ZNF570: variants seen among roughly 807,000 people sequenced by gnomAD.
ZNF570 encodes the protein zinc finger protein 570.
A neutral mutation model predicts 14.2 loss-of-function variants in ZNF570; 8 were observed. The observed-to-expected ratio is 0.56, with a 90% confidence interval of 0.33 to 1.02. The LOEUF (loss-of-function observed/expected upper bound fraction) is 1.02, where lower values mean the gene tolerates loss of function less well. ZNF570 is among the 50% of genes least tolerant of loss of function. The pLI is 0.03. For missense variants in ZNF570, 559 were observed against 624.9 expected (o/e 0.89, Z 1.12); for synonymous variants, 202 against 207.6 (o/e 0.97, Z 0.23).
At position 37,488,148 on chromosome 19, in the gene ZNF570, T is replaced by C. The variant is rs1452803340; in HGVS notation, c.*2915T>C. On this transcript the variant is annotated 3_prime_UTR_variant, in exon 5 of 5. Coordinates refer to ENST00000330173, the MANE Select transcript of ZNF570 (RefSeq NM_144694.5). ...TCCTCGTGTTTCAAGGAGATACATA[T>C]GATGGTCCATTGCAGAACTGTGAGA... 1 of 152,234 alleles carries C rather than the reference T, an allele frequency of 6.6e-6. No individual in the cohort carries two copies. The highest frequency in any genetic ancestry group is 2.4e-5 in the African/African-American group (1 of 41,468). 9.4% of individuals were successfully genotyped at this position (152,234 alleles called of 1,614,324 possible). A position where few individuals can be genotyped will look rare whatever the true frequency, so the allele number is the denominator to read the frequency against.
In ZNF570 at chr19:37,484,451, A is replaced by G. The variant is rs1403087116; in HGVS notation, c.829A>G (p.Lys277Glu). Reference sequence around the variant, plus strand: ...TACTGGAGAAAAACCCTATGAATGTAAGGAATGTAGGAAAGCCTTCAGTCA... The same window carrying G: ...TACTGGAGAAAAACCCTATGAATGTGAGGAATGTAGGAAAGCCTTCAGTCA... ...IHTGEKPYEC[K>E]ECRKAFSQNA... Residue 277 changes from lysine (K) to glutamate (E), a missense_variant, in exon 5 of 5, where the codon AAG becomes GAG. By Grantham distance (56) the Lys-to-Glu change is moderately conservative. Coordinates refer to ENST00000330173, the MANE Select transcript of ZNF570 (RefSeq NM_144694.5). 6.2e-7 allele frequency: 1 copy of G among 1,614,016 alleles called. No individual in the cohort carries two copies. The highest frequency in any genetic ancestry group is 2.2e-5 in the East Asian group (1 of 44,860).
chr19:37,481,157 A>ATTT (rs750442610), intron 4 of ZNF570, among the ~76,000 whole-genome samples: 1 of 144,638 alleles, frequency 6.9e-6, no homozygotes, highest in Non-Finnish European at 1.5e-5. Flanking sequence ...AGATTGACAG[A>ATTT]TTTTTTTTTT....
chr19:37,476,568 T>G, intron 4 of ZNF570, 134 bp downstream of exon 4: 1 of 1,278,556 alleles, frequency 7.8e-7, no homozygotes, highest in Non-Finnish European at 1.0e-6. Flanking sequence ...TTGGGGCCAT[T>G]TAGGATGTTC....
chr19:37,470,503 C>G lies in ZNF570; in HGVS notation c.33+116C>G, dbSNP rs577392471. ...TAACCAGTCATGTCCCTTATCAACA[C>G]TCTCCATTGGATTCCCATCTTATTC... is the stretch of plus-strand genomic sequence containing the variant. On this transcript the variant is annotated intron_variant, in intron 2 of 4. Transcript: ENST00000330173. 2.6e-4 allele frequency: 228 copies of G among 872,144 alleles called. 5 individuals carry two copies. The South Asian group carries it at 3.2e-3, about 12-fold the overall frequency. 54.0% of individuals were successfully genotyped at this position (872,144 alleles called of 1,614,324 possible). A position where few individuals can be genotyped will look rare whatever the true frequency, so the allele number is the denominator to read the frequency against.
chr19:37,483,891 T>C lies in ZNF570; in HGVS notation c.269T>C (p.Ile90Thr), dbSNP rs2042114319. 1.2e-6 allele frequency: 2 copies of C among 1,606,680 alleles called. No individual in the cohort carries two copies. The highest frequency in any genetic ancestry group is 1.7e-6 in the Non-Finnish European group (2 of 1,177,350). The change falls in exon 5 of 5, where the codon ATA becomes ACA. Residue 90 changes from isoleucine to threonine, a missense_variant. Ile to Thr is a moderately conservative substitution (Grantham distance 89). Coordinates refer to ENST00000330173, the MANE Select transcript of ZNF570 (RefSeq NM_144694.5). Reference protein sequence around the residue: ...TKGLCSGWEPICETEELTPKQ... With the variant: ...TKGLCSGWEPTCETEELTPKQ... The stretch of plus-strand genomic sequence containing the variant: ...TATTACTTTTCAGGCTGGGAGCCTA[T>C]ATGTGAGACTGAAGAATTAACCCCA...
chr19:37,468,277 T>TA (rs1263584431), upstream of ZNF570, among the ~76,000 whole-genome samples: 1 of 151,830 alleles, frequency 6.6e-6, no homozygotes, highest in African/African-American at 2.4e-5. Context: ...TTAGTAGAGA[T>TA]AAGGTCTCGC....
chr19:37,484,691 C>A lies in ZNF570; in HGVS notation c.1069C>A (p.Pro357Thr). The A allele has an allele frequency of 1.2e-6, 2 of 1,614,036 alleles. No individual in the cohort carries two copies. Among genetic ancestry groups the A allele is most frequent in the South Asian group, 1.1e-5 (1 of 91,088 alleles). ...CCAGAGAGTTCATACAGGAGAGAAA[C>A]CCTATGAATGTAATGTCTGTGGGAA... Reference protein sequence around the residue: ...QHQRVHTGEKPYECNVCGKAF... With the variant: ...QHQRVHTGEKTYECNVCGKAF... The change falls in exon 5 of 5, where the codon CCC becomes ACC. Residue 357 changes from proline to threonine, a missense_variant. Transcript: ENST00000330173.
chr19:37,471,478 C>T (rs995590949), intron 2 of ZNF570, among the ~76,000 whole-genome samples: 3 of 152,162 alleles, frequency 2.0e-5, no homozygotes, highest in Non-Finnish European at 4.4e-5. Flanking sequence ...CACTGGGTGT[C>T]GCAGGTCTTA....
At chr19:37,483,000 C>G (rs1359544334) in intron 4 of ZNF570, among the ~76,000 whole-genome samples, 1 of 152,082 alleles carries the variant, frequency 6.6e-6, no homozygotes, top group Non-Finnish European at 1.5e-5. Flanking sequence ...GTCAATTAAA[C>G]TACCCAGTCT....
upstream of ZNF570, chr19:37,467,838 G>T: frequency 6.5e-7 from 1 of 1,531,158 alleles, no homozygotes; most frequent in Non-Finnish European, 8.8e-7. Flanking sequence ...CCATGGTCGC[G>T]TTTTATATTC....
intron 2 of ZNF570, among the ~76,000 whole-genome samples, chr19:37,473,688 T>TGA (rs563356343): frequency 1.0e-3 from 152 of 152,142 alleles, no homozygotes; most frequent in African/African-American, 3.3e-3. Flanking sequence ...GCGTAGAGGA[T>TGA]GAGACTATTC....
chr19:37,481,529 G>T (rs1476474148), intron 4 of ZNF570, among the ~76,000 whole-genome samples: 1 of 152,154 alleles, frequency 6.6e-6, no homozygotes, highest in Non-Finnish European at 1.5e-5. Flanking sequence ...TGAGAAGTCA[G>T]TTTTCATTAA....
chr19:37,471,009 A>ACTTTTTTTT (rs2041952229), intron 2 of ZNF570, among the ~76,000 whole-genome samples: 1 of 84,372 alleles, frequency 1.2e-5, no homozygotes, highest in African/African-American at 5.8e-5. Context: ...CAGTGAGTAC[A>ACTTTTTTTT]TTTTTTTTTT....
At chr19:37,483,709 T>C (rs916978598) in intron 4 of ZNF570, among the ~76,000 whole-genome samples, 170 bp from the exon 5 acceptor site, 3 of 152,228 alleles carry the variant, frequency 2.0e-5, no homozygotes, top group African/African-American at 7.2e-5. Flanking sequence ...CTTAGGTTTC[T>C]GTATGACCTG....
chr19:37,469,572 G>A lies in ZNF570; in HGVS notation c.-52+15G>A, dbSNP rs953974975. ...TGCGAGTGGAGGTTGGTACCGTTCA[G>A]TGCGAGGCTGTCACCCCGTGTGCCT... On this transcript the variant is annotated intron_variant, in intron 1 of 4. Coordinates refer to ENST00000330173, the MANE Select transcript of ZNF570 (RefSeq NM_144694.5). The A allele has an allele frequency of 1.3e-6, 2 of 1,535,582 alleles. No individual in the cohort carries two copies. Among genetic ancestry groups the A allele is most frequent in the Non-Finnish European group, 1.7e-6 (2 of 1,146,388 alleles).
intron 4 of ZNF570, among the ~76,000 whole-genome samples, chr19:37,483,170 T>A (rs2042107325): frequency 6.6e-6 from 1 of 152,174 alleles, no homozygotes; most frequent in Admixed American, 6.5e-5. Flanking sequence ...ACACTGGCCT[T>A]CTTAATATTC....
intron 2 of ZNF570, among the ~76,000 whole-genome samples, chr19:37,470,775 C>T (rs1403311329): frequency 1.4e-5 from 2 of 144,140 alleles, no homozygotes; most frequent in East Asian, 2.1e-4. Context: ...ATATGGCTCA[C>T]GGCAACATCC....
In ZNF570 at chr19:37,476,393, C is replaced by G; in HGVS notation, c.215C>G (p.Pro72Arg). ...VILLLEQGKA[P>R]WMVKRELTKG... ...TTATTGTTGGAACAAGGAAAAGCAC[C>G]CTGGATGGTGAAGAGAGAGCTGACA... Residue 72 changes from proline (P) to arginine (R), a missense_variant, in exon 4 of 5, where the codon CCC becomes CGC. By Grantham distance (103) the Pro-to-Arg change is moderately radical. Transcript: ENST00000330173. The G allele has an allele frequency of 6.2e-7, 1 of 1,613,934 alleles. No homozygotes were observed. Among genetic ancestry groups the G allele is most frequent in the Non-Finnish European group, 8.5e-7 (1 of 1,179,950 alleles).
At chr19:37,471,914 ATTTTT>A (rs34142052) in intron 2 of ZNF570, among the ~76,000 whole-genome samples, 1 of 133,518 alleles carries the variant, frequency 7.5e-6, no homozygotes, top group Non-Finnish European at 1.6e-5. Context: ...TCAGACTACT[ATTTTT>A]TTTTTTTTTT....
Sources: gnomAD v4.1 joint callset for allele counts (sites outside exome capture counted in the v4.1 genomes callset) on GRCh38, gnomAD v4.1.1 for gene constraint, MANE v1.5 for transcripts, NCBI Gene and HGNC (gene_info 2026-07-23, HGNC 2026-07-21) for gene names.